The following JPH2 variants were observed in gnomAD, a reference collection of about 807,000 sequenced individuals.
JPH2 encodes junctophilin 2.
A neutral mutation model predicts 55.9 loss-of-function variants in JPH2; 38 were observed. The ratio of observed to expected loss-of-function variants is 0.68; its 90% CI spans 0.52 to 0.89. JPH2 has a LOEUF of 0.89. Among genes scored for constraint, JPH2 ranks in the 40% least tolerant of loss-of-function variants. The pLI is 0.00. For synonymous variants in JPH2, 480 were observed against 472.4 expected, an observed-to-expected ratio of 1.02 and a Z score of -0.21; for missense variants, 964 against 1,037.6, an observed-to-expected ratio of 0.93 and a Z score of 0.97.
chr20:44,185,453 G>A (rs745550490), intron 1 of JPH2, among the ~76,000 whole-genome samples: 19 of 116,654 alleles, frequency 1.6e-4, no homozygotes, highest in Non-Finnish European at 2.4e-4. Context: ...GAAAAGCCCT[G>A]TCTCTACAAA....
Position 44,159,073 on chromosome 20 carries a change from G to C in JPH2, c.1169+545C>G, listed in dbSNP as rs2072585149. ...GATGAAAAATTGGGTAGGTTGCATG[G>C]AATAGATAAGTAAATCTTTGAGTGA... On this transcript the variant is annotated intron_variant, in intron 2 of 5. Transcript: ENST00000372980. This position sits in a 1 kb window ranked among gnomAD's most constrained non-coding sequence, Gnocchi z 5.7. Among the ~76,000 whole-genome samples the C allele has an allele frequency of 6.6e-6, 1 of 152,132 alleles. No homozygotes were observed. The highest frequency in any genetic ancestry group is 1.5e-5 in the Non-Finnish European group (1 of 68,026).
chr20:44,127,549 A>G (rs892045809), intron 2 of JPH2, among the ~76,000 whole-genome samples: 15 of 149,922 alleles, frequency 1.0e-4, no homozygotes, highest in Non-Finnish European at 1.8e-4. Flanking sequence ...GCAGTGGCGC[A>G]ATCTCAGCTC....
At chr20:44,155,195 T>G (rs893756948) in intron 2 of JPH2, among the ~76,000 whole-genome samples, 4 of 152,142 alleles carry the variant, frequency 2.6e-5, no homozygotes, top group African/African-American at 9.7e-5. Flanking sequence ...TTACAGGCAT[T>G]AGCTCGCATA....
At position 44,106,915 on chromosome 20, in the gene JPH2, G is replaced by A. The variant is rs1231668590; in HGVS notation, c.*6603C>T. On this transcript the variant is annotated 3_prime_UTR_variant, in exon 6 of 6. Transcript: ENST00000372980. ...ATCACCCAGTAACAGAGCAAGGGAG[G>A]GGTATAAAAGCCCAATGGGAGATGC... 6.6e-6 allele frequency among the ~76,000 whole-genome samples: 1 copy of A among 152,120 alleles called. No individual in the cohort carries two copies. Among genetic ancestry groups the A allele is most frequent in the East Asian group, 1.9e-4 (1 of 5,180 alleles).
chr20:44,140,673 G>A (rs943451946), intron 2 of JPH2, among the ~76,000 whole-genome samples: 1 of 151,394 alleles, frequency 6.6e-6, no homozygotes, highest in African/African-American at 2.4e-5. Flanking sequence ...TAAGGAAAGA[G>A]GTTCTCCCTG....
chr20:44,178,058 T>G, intron 1 of JPH2: 1 of 783,434 alleles, frequency 1.3e-6, no homozygotes, highest in South Asian at 1.3e-5. Flanking sequence ...AGCTGGGATT[T>G]GAACCCAGAT....
chr20:44,134,673 T>A (rs1321976960), intron 2 of JPH2, among the ~76,000 whole-genome samples: 2 of 36,050 alleles, frequency 5.5e-5, no homozygotes, highest in African/African-American at 2.5e-4. Context: ...TATAAATATA[T>A]ATTTATAAAT....
Position 44,124,700 on chromosome 20 carries a change from G to A in JPH2, c.1170-6077C>T, listed in dbSNP as rs118050616. ...AGAAAGGAAACAAAAATCCCTTGCA[G>A]AGGTTACATTCCAGGGCACGGGTCA... On this transcript the variant is annotated intron_variant, in intron 2 of 5. Coordinates refer to ENST00000372980, the MANE Select transcript of JPH2 (RefSeq NM_020433.5). Among the ~76,000 whole-genome samples, 68 of 152,088 alleles carry A rather than the reference G, an allele frequency of 4.5e-4. 4 individuals carry two copies. In the East Asian group the frequency reaches 0.013, roughly 29 times the overall value.
chr20:44,164,646 G>C (rs1033313335), intron 1 of JPH2, among the ~76,000 whole-genome samples: 30 of 152,002 alleles, frequency 2.0e-4, no homozygotes, highest in African/African-American at 7.2e-4. Context: ...AAAGCTGTGT[G>C]ACTCCAGTTA....
Position 44,134,640 on chromosome 20 carries a change from TATAA to T in JPH2, c.1170-16021_1170-16018del, listed in dbSNP as rs1274058946. 1.4e-3 allele frequency among the ~76,000 whole-genome samples: 33 copies of T among 23,042 alleles called. 3 individuals are homozygous for T. Among genetic ancestry groups the T allele is most frequent in the East Asian group, 2.2e-3 (2 of 924 alleles). The allele number at this position is 23,042 out of a possible 152,430, so 15.1% of individuals were successfully genotyped here. A position where few individuals can be genotyped will look rare whatever the true frequency, so the allele number is the denominator to read the frequency against. ...AATAAATATATATTTATTATAAATA[TATAA>T]ATATTTATTATAAATATATATAAAT... On this transcript the variant is annotated intron_variant, in intron 2 of 5. Coordinates refer to ENST00000372980, the MANE Select transcript of JPH2 (RefSeq NM_020433.5).
At chr20:44,154,132 C>G (rs1206025545) in intron 2 of JPH2, among the ~76,000 whole-genome samples, 1 of 152,190 alleles carries the variant, frequency 6.6e-6, no homozygotes, top group Non-Finnish European at 1.5e-5. Flanking sequence ...TCCCCAACTG[C>G]TCAGTGACAG....
chr20:44,122,642 G>A (rs2072245493), intron 2 of JPH2, among the ~76,000 whole-genome samples: 1 of 152,100 alleles, frequency 6.6e-6, no homozygotes, highest in Non-Finnish European at 1.5e-5. Flanking sequence ...CTGTAAAGTG[G>A]AGATAGTAAT....
chr20:44,137,612 C>T (rs1037855143), intron 2 of JPH2, among the ~76,000 whole-genome samples: 1 of 152,222 alleles, frequency 6.6e-6, no homozygotes. Flanking sequence ...AGCCACCAGG[C>T]GGGGCCGAAC....
At chr20:44,137,166 C>A (rs913534817) in intron 2 of JPH2, among the ~76,000 whole-genome samples, 1 of 152,160 alleles carries the variant, frequency 6.6e-6, no homozygotes, top group Non-Finnish European at 1.5e-5. Context: ...ATTTTCTCCC[C>A]AAGGGTTGGG....
intron 2 of JPH2, among the ~76,000 whole-genome samples, chr20:44,124,093 C>T (rs781190335): frequency 3.9e-5 from 6 of 152,130 alleles, no homozygotes; most frequent in Non-Finnish European, 8.8e-5. Flanking sequence ...TTCTTGATTT[C>T]GTTCGGATTA....
chr20:44,117,383 G>A (rs1276883309), intron 3 of JPH2, among the ~76,000 whole-genome samples: 3 of 152,214 alleles, frequency 2.0e-5, no homozygotes, highest in Admixed American at 1.3e-4. Flanking sequence ...AAGGCCGGGA[G>A]GTCCTCCTTA....
At chr20:44,174,670 A>C (rs1196061336) in intron 1 of JPH2, among the ~76,000 whole-genome samples, 1 of 152,096 alleles carries the variant, frequency 6.6e-6, no homozygotes, top group East Asian at 1.9e-4. Flanking sequence ...GCTACTCGGG[A>C]GGCTGAGGCA....
chr20:44,173,439 A>G (rs1260990542), intron 1 of JPH2, among the ~76,000 whole-genome samples: 1 of 151,998 alleles, frequency 6.6e-6, no homozygotes, highest in Non-Finnish European at 1.5e-5. Context: ...CAACCAATCA[A>G]CATTTCCCTC....
chr20:44,181,881 T>C (rs2072786634), intron 1 of JPH2, among the ~76,000 whole-genome samples: 1 of 152,208 alleles, frequency 6.6e-6, no homozygotes, highest in Non-Finnish European at 1.5e-5. Flanking sequence ...GACAATTTCC[T>C]GTTAGATTTG....
Sources: allele counts gnomAD v4.1 joint callset (sites outside exome capture counted in the v4.1 genomes callset), GRCh38; gene constraint gnomAD v4.1.1; non-coding constraint Gnocchi (gnomAD v3.1); transcripts MANE v1.5; gene names NCBI Gene and HGNC (gene_info 2026-07-23, HGNC 2026-07-21).